IRAK3: variants seen among roughly 807,000 people sequenced by gnomAD.
IRAK3 encodes interleukin-1 receptor-associated kinase 3.
In IRAK3, 57 loss-of-function variants were observed where a neutral mutation model predicts 56.6. The observed-to-expected ratio is 1.01, with a 90% confidence interval of 0.81 to 1.26. IRAK3 has a LOEUF of 1.26. Ranked by LOEUF, IRAK3 falls within the 50% of genes most tolerant of loss-of-function variation. The pLI, the probability that IRAK3 is intolerant of heterozygous loss-of-function variation, is 0.00. For missense variants in IRAK3, 703 were observed against 719.0 expected (o/e 0.98, Z 0.25); for synonymous variants, 258 against 255.7 (o/e 1.01, Z -0.09).
intron 5 of IRAK3, 106 bp from the exon 6 acceptor site, chr12:66,217,063 GTT>G: frequency 2.5e-6 from 2 of 815,378 alleles, no homozygotes; most frequent in Admixed American, 3.5e-5. Context: ...GTTCATATGT[GTT>G]TACACCAAAA....
At chr12:66,202,207 C>G (rs1380190999) in intron 1 of IRAK3, among the ~76,000 whole-genome samples, 1 of 152,142 alleles carries the variant, frequency 6.6e-6, no homozygotes, top group Non-Finnish European at 1.5e-5. Flanking sequence ...TAAGCGCCTA[C>G]TGATAGAGGA....
At chr12:66,216,573 C>T (rs2052679121) in intron 5 of IRAK3, among the ~76,000 whole-genome samples, 1 of 152,136 alleles carries the variant, frequency 6.6e-6, no homozygotes, top group South Asian at 2.1e-4. Context: ...TATATGAAGG[C>T]ATCAAGAACA....
chr12:66,189,224 C>A lies in IRAK3; in HGVS notation c.-76C>A, dbSNP rs1269538220. On this transcript the variant is annotated 5_prime_UTR_variant, in exon 1 of 12. Transcript: ENST00000261233. Reference sequence around the variant, plus strand: ...TGCCGTCGTGGAAGCAGGATTTCCGCGGTTGTGTAACGGCCTGTCGCAGGC... The same window carrying A: ...TGCCGTCGTGGAAGCAGGATTTCCGAGGTTGTGTAACGGCCTGTCGCAGGC... The A allele has an allele frequency of 2.0e-6, 3 of 1,510,328 alleles. No individual in the cohort carries two copies. Among genetic ancestry groups the A allele is most frequent in the Middle Eastern group, 1.8e-4 (1 of 5,510 alleles). 93.6% of individuals were successfully genotyped at this position (1,510,328 alleles called of 1,614,324 possible).
Position 66,195,877 on chromosome 12 carries a change from G to A in IRAK3, c.133+6445G>A, listed in dbSNP as rs2576184. The stretch of plus-strand genomic sequence containing the variant: ...TAACTATGTGGGCCAGGCTGGTCTC[G>A]AACTTCTGGCCTTAGGTGATCCACC... On this transcript the variant is annotated intron_variant, in intron 1 of 11. Transcript: ENST00000261233. Among the ~76,000 whole-genome samples, 958 of 152,012 alleles carry A rather than the reference G, an allele frequency of 6.3e-3. 24 individuals are homozygous for A. The highest frequency in any genetic ancestry group is 0.022 in the African/African-American group (912 of 41,476).
At chr12:66,203,986 C>T (rs971933389) in intron 2 of IRAK3, 93 bp downstream of exon 2, 3 of 1,127,472 alleles carry the variant, frequency 2.7e-6, no homozygotes, top group South Asian at 2.5e-5. Context: ...GACATTGACT[C>T]ATGCTCTGTG....
At chr12:66,208,491 T>C (rs559936494) in intron 2 of IRAK3, among the ~76,000 whole-genome samples, 2 of 152,330 alleles carry the variant, frequency 1.3e-5, no homozygotes, top group African/African-American at 4.8e-5. Flanking sequence ...CTGGGCGCTG[T>C]GGCTCATGCC....
At chr12:66,243,854 C>T (rs1024004213) in intron 8 of IRAK3, among the ~76,000 whole-genome samples, 1 of 152,122 alleles carries the variant, frequency 6.6e-6, no homozygotes, top group Non-Finnish European at 1.5e-5. Flanking sequence ...CAATGCCTAC[C>T]CCCAGCCAAA....
At chr12:66,238,712 GA>G (rs899714697) in intron 8 of IRAK3, among the ~76,000 whole-genome samples, 7 of 152,308 alleles carry the variant, frequency 4.6e-5, no homozygotes, top group African/African-American at 1.7e-4. Flanking sequence ...AGCTGTCAAA[GA>G]CACAGCTCAG....
chr12:66,204,778 G>A (rs1338516722), intron 2 of IRAK3, among the ~76,000 whole-genome samples: 7 of 147,812 alleles, frequency 4.7e-5, no homozygotes, highest in South Asian at 2.2e-4. Flanking sequence ...GAGCCCTTGC[G>A]CACACACACA....
At position 66,203,649 on chromosome 12, in the gene IRAK3, A is replaced by G. The variant is rs556553895; in HGVS notation, c.134-62A>G. 48 of 1,449,956 alleles carry G rather than the reference A, an allele frequency of 3.3e-5. No individual in the cohort carries two copies. The African/African-American group carries it at 6.4e-4, about 19-fold the overall frequency. 89.8% of individuals were successfully genotyped at this position (1,449,956 alleles called of 1,614,324 possible). On this transcript the variant is annotated intron_variant, in intron 1 of 11. Coordinates refer to ENST00000261233, the MANE Select transcript of IRAK3 (RefSeq NM_007199.3). ...GAGGAAATAAAACATTAGGTACACA[A>G]AAACAAGTATTTTGATAAAAGTACA...
chr12:66,215,795 C>CGT (rs2052668954), intron 5 of IRAK3, among the ~76,000 whole-genome samples: 1 of 145,514 alleles, frequency 6.9e-6, no homozygotes, highest in African/African-American at 2.6e-5. Flanking sequence ...TGCACACACA[C>CGT]ACACACACAC....
At chr12:66,197,331 AG>A (rs2052463949) in intron 1 of IRAK3, 1 of 1,034,184 alleles carries the variant, frequency 9.7e-7, no homozygotes, top group South Asian at 4.5e-5. Flanking sequence ...ATATTCTGAA[AG>A]GGGACACGTA....
chr12:66,214,372 A>AAAAAAAATT (rs1293039055), intron 5 of IRAK3, among the ~76,000 whole-genome samples: 4 of 150,744 alleles, frequency 2.7e-5, no homozygotes, highest in Non-Finnish European at 5.9e-5. Flanking sequence ...AAGAAATACA[A>AAAAAAAATT]AAAAAAAATT....
chr12:66,199,124 A>G (rs923646854), intron 1 of IRAK3, among the ~76,000 whole-genome samples: 2 of 152,208 alleles, frequency 1.3e-5, no homozygotes, highest in African/African-American at 4.8e-5. Flanking sequence ...TGATATTTAG[A>G]GTTCTCTTGT....
chr12:66,196,791 C>T, intron 1 of IRAK3: 1 of 1,316,050 alleles, frequency 7.6e-7, no homozygotes, highest in Non-Finnish European at 1.0e-6. Context: ...TTAAAAATGT[C>T]TTTAACCTTA....
At position 66,228,242 on chromosome 12, in the gene IRAK3, G is replaced by A; in HGVS notation, c.769-10G>A. 6.3e-7 allele frequency: 1 copy of A among 1,599,352 alleles called. No homozygotes were observed. The highest frequency in any genetic ancestry group is 8.6e-7 in the Non-Finnish European group (1 of 1,166,568). On this transcript the variant is annotated splice_polypyrimidine_tract_variant and intron_variant, in intron 7 of 11. Transcript: ENST00000261233. ...AAGTGCAACCAAACCAATTGCTGTT[G>A]TTGTTTTAGGGTGACACGGCCCCAC...
At position 66,189,362 on chromosome 12, in the gene IRAK3, G is replaced by A; in HGVS notation, c.63G>A (p.Pro21=). The change falls in exon 1 of 12, where the codon CCG becomes CCA. Residue 21 remains proline, a synonymous_variant. Transcript: ENST00000261233. ...CGCACACGCTGCTGTTCGACCTGCC[G>A]CCCGCGCTGCTCGGAGAGCTCTGCG... ...LSAHTLLFDL[P]PALLGELCAV... The A allele has an allele frequency of 6.5e-7, 1 of 1,530,658 alleles. No homozygotes were observed. Among genetic ancestry groups the A allele is most frequent in the Non-Finnish European group, 8.7e-7 (1 of 1,144,796 alleles). 94.8% of individuals were successfully genotyped at this position (1,530,658 alleles called of 1,614,324 possible).
chr12:66,244,467 T>C lies in IRAK3; in HGVS notation c.888-19T>C. ...CCTTTATGATATTTTGTCTTGTTTG[T>C]CCCTGATCACAATTTTAGTGCAAAC... is the stretch of plus-strand genomic sequence containing the variant. On this transcript the variant is annotated intron_variant, in intron 8 of 11. Transcript: ENST00000261233. The C allele has an allele frequency of 6.2e-7, 1 of 1,600,040 alleles. No homozygotes were observed. The highest frequency in any genetic ancestry group is 8.6e-7 in the Non-Finnish European group (1 of 1,167,220).
At chr12:66,211,811 G>A (rs918617707) in intron 5 of IRAK3, among the ~76,000 whole-genome samples, 1 of 152,138 alleles carries the variant, frequency 6.6e-6, no homozygotes, top group African/African-American at 2.4e-5. Context: ...AGATGTTATA[G>A]CATGAAAGAC....
Sources: allele counts gnomAD v4.1 joint callset (sites outside exome capture counted in the v4.1 genomes callset), GRCh38; gene constraint gnomAD v4.1.1; transcripts MANE v1.5; gene names NCBI Gene and HGNC (gene_info 2026-07-23, HGNC 2026-07-21).